The following RAB2A variants were observed in gnomAD, a reference collection of about 807,000 sequenced individuals.
RAB2A encodes ras-related protein Rab-2A.
RAB2A carries 7 observed loss-of-function variants against 32.5 expected under a neutral mutation model. That is an observed-to-expected ratio of 0.22 (90% CI 0.12 to 0.40). The LOEUF (loss-of-function observed/expected upper bound fraction) is 0.40, where lower values mean the gene tolerates loss of function less well. Among genes scored for constraint, RAB2A ranks in the 10% least tolerant of loss-of-function variants. RAB2A has a pLI of 1.00. For missense variants in RAB2A, 108 were observed against 260.7 expected (o/e 0.41, Z 4.03); for synonymous variants, 79 against 85.2 (o/e 0.93, Z 0.40).
chr8:60,579,729 G>A (rs1260054383), intron 3 of RAB2A, among the ~76,000 whole-genome samples: 2 of 151,728 alleles, frequency 1.3e-5, no homozygotes, highest in Non-Finnish European at 2.9e-5. Context: ...CCAGGTTCAC[G>A]CCATTCTCCT....
At chr8:60,582,660 G>T (rs968319517) in intron 3 of RAB2A, among the ~76,000 whole-genome samples, 3 of 152,086 alleles carry the variant, frequency 2.0e-5, no homozygotes, top group African/African-American at 7.2e-5. Context: ...AGCTGGGGGC[G>T]TGCCACCACA....
At chr8:60,530,768 T>G (rs1011046245) in intron 1 of RAB2A, among the ~76,000 whole-genome samples, 1 of 152,170 alleles carries the variant, frequency 6.6e-6, no homozygotes, top group Non-Finnish European at 1.5e-5. Context: ...TTCAGTCATA[T>G]AGACAAAGAT....
intron 6 of RAB2A, among the ~76,000 whole-genome samples, chr8:60,597,352 C>T (rs1284034330): frequency 6.6e-6 from 1 of 152,048 alleles, no homozygotes; most frequent in African/African-American, 2.4e-5. Context: ...AATAGAAAAC[C>T]AAACACCGCA....
chr8:60,546,586 T>C (rs1807730662), intron 1 of RAB2A, among the ~76,000 whole-genome samples: 2 of 152,328 alleles, frequency 1.3e-5, no homozygotes, highest in East Asian at 3.9e-4. Flanking sequence ...GTGATCCATG[T>C]TGGATTTTTG....
Position 60,584,790 on chromosome 8 carries a change from G to C in RAB2A, c.337G>C (p.Val113Leu), listed in dbSNP as rs760414199. 6.2e-7 allele frequency: 1 copy of C among 1,613,292 alleles called. No homozygotes were observed. The highest frequency in any genetic ancestry group is 8.5e-7 in the Non-Finnish European group (1 of 1,179,528). Residue 113 changes from valine to leucine, a missense_variant, in exon 5 of 8, where the codon GTC becomes CTC. This residue lies in a region of RAB2A where 79 missense variants were observed against 199.8 expected (regional missense o/e 0.40). Transcript: ENST00000262646. ...DARQHSNSNM[V>L]IMLIGNKSDL... ...CCGCCAGCATTCCAATTCCAACATG[G>C]TCATTATGCTTATTGGAAATAAAAG...
intron 3 of RAB2A, among the ~76,000 whole-genome samples, chr8:60,578,728 T>G (rs1295030186): frequency 6.6e-6 from 1 of 152,244 alleles, no homozygotes; most frequent in Non-Finnish European, 1.5e-5. Context: ...TGAAGATTAC[T>G]ACTAGTTGCC....
chr8:60,525,362 A>G (rs369305942), intron 1 of RAB2A, among the ~76,000 whole-genome samples: 1 of 152,138 alleles, frequency 6.6e-6, no homozygotes, highest in Non-Finnish European at 1.5e-5. Context: ...TGCCATGATT[A>G]TAAGTTTTCT....
intron 2 of RAB2A, among the ~76,000 whole-genome samples, chr8:60,563,117 C>G (rs1255531630): frequency 6.6e-6 from 1 of 152,052 alleles, no homozygotes; most frequent in African/African-American, 2.4e-5. Flanking sequence ...TGCATACTTG[C>G]TTTTGCTGGA....
At chr8:60,527,121 G>A (rs552604970) in intron 1 of RAB2A, among the ~76,000 whole-genome samples, 1 of 152,114 alleles carries the variant, frequency 6.6e-6, no homozygotes, top group African/African-American at 2.4e-5. Flanking sequence ...GGGGAAGCAA[G>A]CACATCTAGC....
At chr8:60,571,910 G>A in intron 2 of RAB2A, 136 bp from the exon 3 acceptor site, 1 of 511,034 alleles carries the variant, frequency 2.0e-6, no homozygotes, top group Non-Finnish European at 3.5e-6. Context: ...TCTAAGTATA[G>A]GAACTGCATT....
At chr8:60,530,924 G>A (rs954058055) in intron 1 of RAB2A, among the ~76,000 whole-genome samples, 9 of 152,172 alleles carry the variant, frequency 5.9e-5, no homozygotes, top group Non-Finnish European at 4.4e-5. Flanking sequence ...GATTACTGAA[G>A]AGAAGATACC....
chr8:60,597,198 C>T (rs529977922), intron 6 of RAB2A, among the ~76,000 whole-genome samples: 2 of 152,198 alleles, frequency 1.3e-5, no homozygotes, highest in South Asian at 4.1e-4. Context: ...AACCCAAATG[C>T]CCATCAGTGA....
intron 1 of RAB2A, among the ~76,000 whole-genome samples, chr8:60,524,765 TGG>T (rs1563457874): frequency 6.6e-6 from 1 of 152,250 alleles, no homozygotes; most frequent in African/African-American, 2.4e-5. Context: ...TTTGTATTGA[TGG>T]TAGTACTGTA....
chr8:60,529,481 G>GTATT (rs1807443905), intron 1 of RAB2A, among the ~76,000 whole-genome samples: 1 of 152,092 alleles, frequency 6.6e-6, no homozygotes, highest in Admixed American at 6.6e-5. Context: ...AATTTGTAAG[G>GTATT]TATTTATGAC....
intron 1 of RAB2A, among the ~76,000 whole-genome samples, chr8:60,551,245 T>TG (rs1807843256): frequency 6.6e-6 from 1 of 152,192 alleles, no homozygotes; most frequent in Admixed American, 6.5e-5. Flanking sequence ...GCACACATGT[T>TG]GGGAAAAAAC....
At chr8:60,562,018 G>A (rs879027670) in intron 2 of RAB2A, among the ~76,000 whole-genome samples, 2 of 152,064 alleles carry the variant, frequency 1.3e-5, no homozygotes, top group Admixed American at 6.6e-5. Context: ...ACTATGTGCC[G>A]TCAAGTCTTT....
intron 3 of RAB2A, among the ~76,000 whole-genome samples, chr8:60,583,657 C>T (rs758208771): frequency 2.8e-4 from 43 of 152,194 alleles, no homozygotes; most frequent in Non-Finnish European, 4.1e-4. Flanking sequence ...AAGCTCACTG[C>T]AGTTTATGAT....
intron 5 of RAB2A, among the ~76,000 whole-genome samples, chr8:60,589,236 A>G (rs1413635379): frequency 6.6e-6 from 1 of 152,234 alleles, no homozygotes; most frequent in Non-Finnish European, 1.5e-5. Flanking sequence ...ACCGACCACT[A>G]GGAGCTGATA....
At chr8:60,519,543 T>C (rs1257517718) in intron 1 of RAB2A, among the ~76,000 whole-genome samples, 1 of 152,224 alleles carries the variant, frequency 6.6e-6, no homozygotes, top group Non-Finnish European at 1.5e-5. Flanking sequence ...TTTCACAGTA[T>C]CCTGGCTGAA....
Sources: allele counts gnomAD v4.1 joint callset (sites outside exome capture counted in the v4.1 genomes callset), GRCh38; gene constraint gnomAD v4.1.1; regional missense constraint gnomAD v4.1.1; transcripts MANE v1.5; gene names NCBI Gene and HGNC (gene_info 2026-07-23, HGNC 2026-07-21).